LHCGR: variants seen among roughly 807,000 people sequenced by gnomAD.
The protein encoded by LHCGR is luteinizing hormone/choriogonadotropin receptor, also known as lutropin-choriogonadotropic hormone receptor.
In LHCGR, 55 loss-of-function variants were observed where a neutral mutation model predicts 60.7. The observed-to-expected ratio is 0.91, with a 90% confidence interval of 0.73 to 1.13. The LOEUF is 1.13. LHCGR is among the 50% of genes most tolerant of loss of function. The pLI, the probability that LHCGR is intolerant of heterozygous loss-of-function variation, is 0.00. For missense variants in LHCGR, 862 were observed against 836.0 expected (o/e 1.03, Z -0.38); for synonymous variants, 337 against 316.5 (o/e 1.06, Z -0.69).
chr2:48,704,313 G>C (rs1011854930), intron 8 of LHCGR, among the ~76,000 whole-genome samples: 1 of 152,116 alleles, frequency 6.6e-6, no homozygotes, highest in Admixed American at 6.5e-5. Flanking sequence ...GAGGATTTTC[G>C]CATCGATGTT....
intron 10 of LHCGR, among the ~76,000 whole-genome samples, chr2:48,691,088 C>T (rs1196905797): frequency 1.3e-5 from 2 of 152,160 alleles, no homozygotes; most frequent in Non-Finnish European, 2.9e-5. Flanking sequence ...GAGAAATGGG[C>T]ATAATTTTTG....
At chr2:48,691,700 G>T (rs1047830889) in intron 10 of LHCGR, among the ~76,000 whole-genome samples, 21 of 152,198 alleles carry the variant, frequency 1.4e-4, no homozygotes, top group African/African-American at 5.1e-4. Flanking sequence ...ACAAAAATTA[G>T]CCAGGCGTGG....
intron 1 of LHCGR, among the ~76,000 whole-genome samples, chr2:48,737,896 A>C (rs539138188): frequency 3.9e-5 from 6 of 152,326 alleles, no homozygotes; most frequent in African/African-American, 1.2e-4. Context: ...ATCTTAGGAA[A>C]AGAGAAATGA....
At chr2:48,751,786 C>G (rs1669967344) in intron 1 of LHCGR, among the ~76,000 whole-genome samples, 1 of 152,158 alleles carries the variant, frequency 6.6e-6, no homozygotes, top group Non-Finnish European at 1.5e-5. Flanking sequence ...TACTTTTGTA[C>G]CAAGCCAATA....
intron 6 of LHCGR, 51 bp downstream of exon 6, chr2:48,723,405 G>C: frequency 7.9e-7 from 1 of 1,261,022 alleles, no homozygotes; most frequent in Non-Finnish European, 1.2e-6. Flanking sequence ...ACCTAGTAGT[G>C]AGACTAGCAG....
intron 6 of LHCGR, chr2:48,721,873 G>A (rs890973784): frequency 9.8e-5 from 43 of 440,144 alleles, no homozygotes; most frequent in African/African-American, 5.7e-4. Flanking sequence ...AAATGAGGCC[G>A]GGGGGTGGTG....
chr2:48,745,494 C>A (rs1195406424), intron 1 of LHCGR, among the ~76,000 whole-genome samples: 2 of 152,100 alleles, frequency 1.3e-5, no homozygotes, highest in Non-Finnish European at 2.9e-5. Context: ...GGCATATATA[C>A]AACATGGAAT....
chr2:48,708,109 G>A (rs142545805), intron 8 of LHCGR, among the ~76,000 whole-genome samples: 171 of 152,308 alleles, frequency 1.1e-3, no homozygotes, highest in Admixed American at 8.1e-3. Context: ...CTTCTGCATC[G>A]ATCTCGCTGA....
chr2:48,750,471 T>C (rs1669911061), intron 1 of LHCGR, among the ~76,000 whole-genome samples: 1 of 152,242 alleles, frequency 6.6e-6, no homozygotes, highest in South Asian at 2.1e-4. Context: ...ATTCAAATGA[T>C]AGACTGGAAG....
Position 48,741,362 on chromosome 2 carries a change from G to A in LHCGR, c.162-10064C>T, listed in dbSNP as rs545115525. Among the ~76,000 whole-genome samples, 5 of 152,240 alleles carry A rather than the reference G, an allele frequency of 3.3e-5. No individual in the cohort carries two copies. In the East Asian group the frequency reaches 9.6e-4, roughly 29 times the overall value. ...AGAATGCCACAAAGATACTCCTCGA[G>A]AAGAGCAACTCCAAGACACATAATT... On this transcript the variant is annotated intron_variant, in intron 1 of 10. Coordinates refer to ENST00000294954, the MANE Select transcript of LHCGR (RefSeq NM_000233.4).
intron 6 of LHCGR, chr2:48,721,776 T>C (rs2104448443): frequency 2.1e-6 from 1 of 471,056 alleles, no homozygotes; most frequent in East Asian, 6.9e-5. Context: ...AATTTTGCCA[T>C]GGGCTGTAAC....
chr2:48,746,965 T>G (rs987284283), intron 1 of LHCGR, among the ~76,000 whole-genome samples: 1 of 151,814 alleles, frequency 6.6e-6, no homozygotes, highest in East Asian at 1.9e-4. Context: ...CAGATATGCT[T>G]CAGGAAGCTC....
At chr2:48,732,442 C>A (rs879485396) in intron 1 of LHCGR, among the ~76,000 whole-genome samples, 1 of 152,202 alleles carries the variant, frequency 6.6e-6, no homozygotes, top group Non-Finnish European at 1.5e-5. Context: ...CCAGAAGGGA[C>A]TTGCTACAGT....
chr2:48,710,181 C>A (rs1667909559), intron 7 of LHCGR, among the ~76,000 whole-genome samples: 1 of 152,174 alleles, frequency 6.6e-6, no homozygotes, highest in Non-Finnish European at 1.5e-5. Flanking sequence ...TCAGCCCTTT[C>A]ATCAGAATCC....
intron 8 of LHCGR, among the ~76,000 whole-genome samples, chr2:48,702,301 A>C (rs1243623830): frequency 1.3e-5 from 2 of 150,732 alleles, no homozygotes; most frequent in African/African-American, 4.9e-5. Context: ...TCTAGGGTAC[A>C]TGTGCAAAAC....
intron 10 of LHCGR, among the ~76,000 whole-genome samples, chr2:48,691,395 A>G (rs1217056258): frequency 1.3e-5 from 2 of 152,128 alleles, no homozygotes; most frequent in Non-Finnish European, 2.9e-5. Context: ...CCGCATAGGA[A>G]CCTCTCGTGT....
chr2:48,705,587 A>T (rs753832905), intron 8 of LHCGR, among the ~76,000 whole-genome samples: 1 of 152,190 alleles, frequency 6.6e-6, no homozygotes, highest in African/African-American at 2.4e-5. Flanking sequence ...TGTTGGGTGC[A>T]TATATATTTA....
intron 1 of LHCGR, among the ~76,000 whole-genome samples, chr2:48,752,529 CT>C (rs11327396): frequency 0.74 from 107,519 of 144,374 alleles, 40,165 homozygotes; most frequent in African/African-American, 0.87. Context: ...TTTAAGCTTT[CT>C]TTTTTTTTTT....
chr2:48,702,929 A>G (rs546848132), intron 8 of LHCGR, among the ~76,000 whole-genome samples: 72 of 152,338 alleles, frequency 4.7e-4, no homozygotes, highest in African/African-American at 1.6e-3. Context: ...CCTCTCCAGC[A>G]TCTGTTGTGT....
Sources: gnomAD v4.1 joint callset for allele counts (sites outside exome capture counted in the v4.1 genomes callset) on GRCh38, gnomAD v4.1.1 for gene constraint, MANE v1.5 for transcripts, NCBI Gene and HGNC (gene_info 2026-07-23, HGNC 2026-07-21) for gene names.